PRKN: variants seen among roughly 807,000 people sequenced by gnomAD.
The protein encoded by PRKN is parkin RBR E3 ubiquitin protein ligase, also known as E3 ubiquitin-protein ligase parkin.
PRKN carries 56 observed loss-of-function variants against 59.5 expected under a neutral mutation model. The ratio of observed to expected loss-of-function variants is 0.94; its 90% CI spans 0.76 to 1.18. PRKN has a LOEUF of 1.18. Ranked by LOEUF, PRKN falls within the 50% of genes most tolerant of loss-of-function variation. The pLI is 0.00. For synonymous variants in PRKN, 250 were observed against 222.1 expected (o/e 1.13, Z -1.12); for missense variants, 657 against 596.4 (o/e 1.10, Z -1.06).
At chr6:162,727,548 G>T in intron 1 of PRKN, 114 bp downstream of exon 1, 3 of 1,186,040 alleles carry the variant, frequency 2.5e-6, no homozygotes, top group Non-Finnish European at 2.4e-6. Context: ...CGGGCACTTT[G>T]GCCCCGTCAT....
chr6:161,820,914 A>C (rs1423569286), intron 6 of PRKN, among the ~76,000 whole-genome samples: 1 of 151,848 alleles, frequency 6.6e-6, no homozygotes, highest in Non-Finnish European at 1.5e-5. Flanking sequence ...AATACCCCCA[A>C]TATGACACTA....
At chr6:161,930,548 A>C (rs1333931733) in intron 6 of PRKN, among the ~76,000 whole-genome samples, 1 of 152,200 alleles carries the variant, frequency 6.6e-6, no homozygotes, top group African/African-American at 2.4e-5. Context: ...TGTAATACTA[A>C]ATGTTCTTGC....
intron 2 of PRKN, among the ~76,000 whole-genome samples, chr6:162,282,493 AT>A (rs1269935436): frequency 2.0e-5 from 3 of 152,204 alleles, no homozygotes; most frequent in Non-Finnish European, 2.9e-5. Context: ...TCTTGGCAGA[AT>A]TTATCAATGT....
chr6:162,649,417 A>G (rs1778330603), intron 1 of PRKN, among the ~76,000 whole-genome samples: 1 of 152,188 alleles, frequency 6.6e-6, no homozygotes, highest in Non-Finnish European at 1.5e-5. Context: ...TGTCTAACCC[A>G]GAGCCATCTC....
rs775639371 is a variant in PRKN at position 161,359,650 on chromosome 6, G to A, written c.1285+438C>T. 6.6e-6 allele frequency among the ~76,000 whole-genome samples: 1 copy of A among 152,234 alleles called. No individual in the cohort carries two copies. Among genetic ancestry groups the A allele is most frequent in the South Asian group, 2.1e-4 (1 of 4,816 alleles). Reference sequence around the variant, plus strand: ...GCCACAGGGATCTTTAAATATAGACGAGGGTTTAATTTTGAATAATGTTGC... The same window carrying A: ...GCCACAGGGATCTTTAAATATAGACAAGGGTTTAATTTTGAATAATGTTGC... On this transcript the variant is annotated intron_variant, in intron 11 of 11. Coordinates refer to ENST00000366898, the MANE Select transcript of PRKN (RefSeq NM_004562.3). The surrounding 1 kb of genome is among the most constrained non-coding windows in gnomAD (Gnocchi z 5.4).
chr6:161,613,472 A>G lies in PRKN; in HGVS notation c.872-44056T>C, dbSNP rs9347526. 6.0e-3 allele frequency among the ~76,000 whole-genome samples: 919 copies of G among 152,342 alleles called. 22 individuals are homozygous for G. In the East Asian group the frequency reaches 0.072, roughly 12 times the overall value. ...ATTACATAAACTTAGTTGATCAAGC[A>G]GTAGCTTTGAGAAAGTTTGAGAGGA... is the stretch of plus-strand genomic sequence containing the variant. On this transcript the variant is annotated intron_variant, in intron 7 of 11. Transcript: ENST00000366898.
chr6:162,604,697 CTTTTTT>C (rs35730217), intron 1 of PRKN, among the ~76,000 whole-genome samples: 1 of 135,232 alleles, frequency 7.4e-6, no homozygotes, highest in Middle Eastern at 3.5e-3. Flanking sequence ...TTTCTCTCTC[CTTTTTT>C]TTTTTTTTTT....
chr6:161,422,897 C>T (rs1157650069), intron 9 of PRKN, among the ~76,000 whole-genome samples: 12 of 152,296 alleles, frequency 7.9e-5, no homozygotes, highest in Non-Finnish European at 7.3e-5. Context: ...ATGATCGAGA[C>T]GCCAACAGCA....
chr6:161,945,188 A>C (rs934433203), intron 6 of PRKN, among the ~76,000 whole-genome samples: 1 of 152,148 alleles, frequency 6.6e-6, no homozygotes, highest in Non-Finnish European at 1.5e-5. Flanking sequence ...GTTTTTCAAA[A>C]TAAGCATCAG....
At chr6:161,760,699 C>T (rs1789161894) in intron 7 of PRKN, among the ~76,000 whole-genome samples, 1 of 152,170 alleles carries the variant, frequency 6.6e-6, no homozygotes. Flanking sequence ...GACACAGAAC[C>T]CCGTCCATGG....
chr6:161,968,765 G>C (rs570523297), intron 6 of PRKN, among the ~76,000 whole-genome samples: 1 of 151,516 alleles, frequency 6.6e-6, no homozygotes, highest in African/African-American at 2.4e-5. Context: ...TTATCTCCAG[G>C]AAAATATAAT....
chr6:161,862,233 C>T (rs1044932744), intron 6 of PRKN, among the ~76,000 whole-genome samples: 9 of 152,316 alleles, frequency 5.9e-5, no homozygotes, highest in African/African-American at 2.2e-4. Context: ...CACTATTCAA[C>T]CCACTACAGT....
chr6:161,545,133 T>C lies in PRKN; in HGVS notation c.1083+3721A>G, dbSNP rs1779750502. On this transcript the variant is annotated intron_variant, in intron 9 of 11. Transcript: ENST00000366898. This position sits in a 1 kb window ranked among gnomAD's most constrained non-coding sequence, Gnocchi z 4.1. Reference sequence around the variant, plus strand: ...GAGAATTTGGTTTTCAACTTTTTTATACGCGATTTTTTTTGTAACAGCTAA... The same window carrying C: ...GAGAATTTGGTTTTCAACTTTTTTACACGCGATTTTTTTTGTAACAGCTAA... 5 of 1,283,952 alleles carry C rather than the reference T, an allele frequency of 3.9e-6. No individual in the cohort carries two copies. Among genetic ancestry groups the C allele is most frequent in the Non-Finnish European group, 4.9e-6 (5 of 1,016,568 alleles). 79.5% of individuals were successfully genotyped at this position (1,283,952 alleles called of 1,614,324 possible).
At chr6:162,284,519 C>T (rs556718338) in intron 2 of PRKN, among the ~76,000 whole-genome samples, 2 of 152,232 alleles carry the variant, frequency 1.3e-5, no homozygotes, top group East Asian at 1.9e-4. Flanking sequence ...CCACCGCACC[C>T]GGCCATATTG....
At chr6:161,970,399 C>CTATATATATATATATA (rs57166297) in intron 6 of PRKN, among the ~76,000 whole-genome samples, 1 of 146,266 alleles carries the variant, frequency 6.8e-6, no homozygotes, top group Non-Finnish European at 1.5e-5. Context: ...TGATACGAAA[C>CTATATATATATATATA]TATATATATA....
In PRKN at chr6:161,487,245, T is replaced by C. The variant is rs1040557834; in HGVS notation, c.1083+61609A>G. Among the ~76,000 whole-genome samples, 3 of 152,200 alleles carry C rather than the reference T, an allele frequency of 2.0e-5. No individual in the cohort carries two copies. Among genetic ancestry groups the C allele is most frequent in the Non-Finnish European group, 4.4e-5 (3 of 68,038 alleles). On this transcript the variant is annotated intron_variant, in intron 9 of 11. Coordinates refer to ENST00000366898, the MANE Select transcript of PRKN (RefSeq NM_004562.3). This position sits in a 1 kb window ranked among gnomAD's most constrained non-coding sequence, Gnocchi z 5.3. ...TTTTACAGGAGAAGACATTGAGGCA[T>C]AGACCCATGAAGTGGGCTTGCTCAG...
chr6:162,251,341 A>G (rs1467849069), intron 3 of PRKN, among the ~76,000 whole-genome samples: 1 of 152,154 alleles, frequency 6.6e-6, no homozygotes, highest in Non-Finnish European at 1.5e-5. Context: ...ATCACCTGTG[A>G]AACCTTCAAC....
chr6:162,491,837 G>A (rs62428842), intron 1 of PRKN, among the ~76,000 whole-genome samples: 1 of 152,138 alleles, frequency 6.6e-6, no homozygotes, highest in Admixed American at 6.5e-5. Flanking sequence ...CCAGTGGCTA[G>A]AACACTCCTG....
intron 6 of PRKN, among the ~76,000 whole-genome samples, chr6:161,845,072 A>G (rs1437248539): frequency 1.3e-5 from 2 of 152,246 alleles, no homozygotes; most frequent in Non-Finnish European, 2.9e-5. Flanking sequence ...CATAAGATTA[A>G]TAAGTGGTAG....
Sources: gnomAD v4.1 joint callset for allele counts (sites outside exome capture counted in the v4.1 genomes callset) on GRCh38, gnomAD v4.1.1 for gene constraint, Gnocchi (gnomAD v3.1) non-coding constraint, MANE v1.5 for transcripts, NCBI Gene and HGNC (gene_info 2026-07-23, HGNC 2026-07-21) for gene names.